NIPBL: variants seen among roughly 807,000 people sequenced by gnomAD.
NIPBL encodes the protein NIPBL cohesin loading factor.
Under a neutral mutation model 321.8 loss-of-function variants are expected in NIPBL, and 19 were observed. The observed-to-expected ratio is 0.06, with a 90% CI of 0.04 to 0.09. The LOEUF is 0.09. Ranked by LOEUF, NIPBL falls within the 10% of genes least tolerant of loss-of-function variation. NIPBL has a pLI of 1.00. For missense variants in NIPBL, 2,210 were observed against 3,327.0 expected (o/e 0.66, Z 8.26); for synonymous variants, 1,106 against 1,114.1 (o/e 0.99, Z 0.14).
In NIPBL at chr5:36,953,642, C is replaced by G; in HGVS notation, c.-55C>G. On this transcript the variant is annotated 5_prime_UTR_variant, in exon 2 of 47. Transcript: ENST00000282516. ...GTGTTTGGGAAATGGGAAGTAATGA[C>G]AGCTGGCACCTGAACTAAGTACTTT... The G allele has an allele frequency of 7.1e-7, 1 of 1,409,852 alleles. No individual in the cohort carries two copies. The highest frequency in any genetic ancestry group is 1.0e-6 in the Non-Finnish European group (1 of 993,600). 87.3% of individuals were successfully genotyped at this position (1,409,852 alleles called of 1,614,324 possible). A position where few individuals can be genotyped will look rare whatever the true frequency, so the allele number is the denominator to read the frequency against.
At chr5:37,057,027 GTC>G (rs781104073) in intron 42 of NIPBL, among the ~76,000 whole-genome samples, 157 bp from the exon 43 acceptor site, 7 of 147,860 alleles carry the variant, frequency 4.7e-5, no homozygotes, top group Non-Finnish European at 7.4e-5. Context: ...CTCTCCCTCT[GTC>G]TCTCTGTGTC....
At chr5:37,055,321 C>T (rs542365506) in intron 42 of NIPBL, among the ~76,000 whole-genome samples, 1 of 144,754 alleles carries the variant, frequency 6.9e-6, no homozygotes, top group Admixed American at 7.1e-5. Flanking sequence ...CACTGCACTC[C>T]AGCTGAGCGA....
In NIPBL at chr5:36,985,107, A is replaced by G. The variant is rs900302837; in HGVS notation, c.1927A>G (p.Lys643Glu). Reference sequence around the variant, plus strand: ...ATCAAGTGAAAATAAGTTAGAAACTAAAGTTGAGACCCAAACAGAAGAACT... The same window carrying G: ...ATCAAGTGAAAATAAGTTAGAAACTGAAGTTGAGACCCAAACAGAAGAACT... Reference protein sequence around the residue: ...TKSSENKLETKVETQTEELKQ... With the variant: ...TKSSENKLETEVETQTEELKQ... Residue 643 changes from lysine (K) to glutamate (E), a missense_variant, in exon 10 of 47, where the codon AAA becomes GAA. Physicochemically the swap from Lys to Glu is moderately conservative, Grantham distance 56 (BLOSUM62 1). Transcript: ENST00000282516. 7.4e-6 allele frequency: 12 copies of G among 1,613,772 alleles called. No homozygotes were observed. The Admixed American group carries it at 1.7e-4, about 22-fold the overall frequency.
At chr5:37,006,981 T>C (rs1032480950) in intron 17 of NIPBL, among the ~76,000 whole-genome samples, 1 of 151,902 alleles carries the variant, frequency 6.6e-6, no homozygotes, top group African/African-American at 2.4e-5. Flanking sequence ...CTAAGTATAG[T>C]TCCTGAATAA....
chr5:37,052,692 ATCT>A, intron 42 of NIPBL, 126 bp downstream of exon 42: 1 of 741,402 alleles, frequency 1.3e-6, no homozygotes, highest in Non-Finnish European at 2.2e-6. Flanking sequence ...TGTTTTCTTA[ATCT>A]TCTAAGTTAT....
chr5:36,958,630 T>C (rs1741251398), intron 4 of NIPBL, among the ~76,000 whole-genome samples: 1 of 152,168 alleles, frequency 6.6e-6, no homozygotes, highest in Non-Finnish European at 1.5e-5. Context: ...TTTCTAGTAA[T>C]TGATTTAATA....
chr5:36,900,486 G>A (rs935532640), intron 1 of NIPBL, among the ~76,000 whole-genome samples: 1 of 152,092 alleles, frequency 6.6e-6, no homozygotes, highest in Non-Finnish European at 1.5e-5. Context: ...CAAAGAATGT[G>A]ACTTGCTCAA....
chr5:36,981,377 T>G (rs1337753208), intron 9 of NIPBL, among the ~76,000 whole-genome samples: 6 of 151,674 alleles, frequency 4.0e-5, no homozygotes, highest in African/African-American at 1.4e-4. Flanking sequence ...TAGGCTGTGG[T>G]AGACCCTATT....
chr5:36,877,642 T>G (rs1745193968), intron 1 of NIPBL, among the ~76,000 whole-genome samples: 1 of 152,174 alleles, frequency 6.6e-6, no homozygotes, highest in African/African-American at 2.4e-5. Flanking sequence ...AACGTCCCAG[T>G]GAAACAAACA....
intron 6 of NIPBL, among the ~76,000 whole-genome samples, chr5:36,967,155 AGAAT>A (rs1443790560): frequency 2.6e-5 from 4 of 152,146 alleles, no homozygotes; most frequent in Non-Finnish European, 5.9e-5. Context: ...TTACTGGAAA[AGAAT>A]AGCCAAGTCG....
At chr5:36,894,540 T>A (rs1182905963) in intron 1 of NIPBL, among the ~76,000 whole-genome samples, 1 of 152,212 alleles carries the variant, frequency 6.6e-6, no homozygotes, top group Non-Finnish European at 1.5e-5. Flanking sequence ...TTTTGATAAC[T>A]TGTTTTGTAT....
intron 8 of NIPBL, 94 bp downstream of exon 8, chr5:36,972,135 C>A: frequency 1.2e-6 from 1 of 838,376 alleles, no homozygotes; most frequent in Non-Finnish European, 1.9e-6. Flanking sequence ...AAAAGTTATT[C>A]TGTATTTTTT....
chr5:37,006,348 G>A lies in NIPBL; in HGVS notation c.3856-9G>A. On this transcript the variant is annotated splice_polypyrimidine_tract_variant and intron_variant, in intron 16 of 46. Transcript: ENST00000282516. ...TTATTTCCATTTCATTAACAATACT[G>A]TTTTACAGAATAACGATACTGAAGA... 1 of 1,398,686 alleles carries A rather than the reference G, an allele frequency of 7.1e-7. No homozygotes were observed. Among genetic ancestry groups the A allele is most frequent in the South Asian group, 1.2e-5 (1 of 86,656 alleles). 86.6% of individuals were successfully genotyped at this position (1,398,686 alleles called of 1,614,324 possible).
At chr5:36,891,546 T>C (rs566364154) in intron 1 of NIPBL, among the ~76,000 whole-genome samples, 2 of 152,064 alleles carry the variant, frequency 1.3e-5, no homozygotes, top group Non-Finnish European at 2.9e-5. Context: ...GGCCAACAAT[T>C]TGATTTTTGG....
At chr5:37,033,730 A>ATATATATTTT (rs775482943) in intron 32 of NIPBL, among the ~76,000 whole-genome samples, 5 of 21,506 alleles carry the variant, frequency 2.3e-4, no homozygotes, top group Admixed American at 8.3e-4. Context: ...ATATATATAT[A>ATATATATTTT]TTTTTTTTTT....
intron 16 of NIPBL, among the ~76,000 whole-genome samples, chr5:37,005,279 G>A (rs900870763): frequency 1.3e-5 from 2 of 151,870 alleles, no homozygotes; most frequent in African/African-American, 2.4e-5. Context: ...TTTACTTTTT[G>A]CATCACAGAA....
At chr5:36,950,098 C>T (rs985739902) in intron 1 of NIPBL, among the ~76,000 whole-genome samples, 12 of 151,882 alleles carry the variant, frequency 7.9e-5, no homozygotes, top group Admixed American at 4.6e-4. Flanking sequence ...TTTCTGTCGC[C>T]AGTATTTATT....
intron 42 of NIPBL, 52 bp from the exon 43 acceptor site, chr5:37,057,134 T>A: frequency 1.2e-6 from 2 of 1,602,934 alleles, no homozygotes; most frequent in Admixed American, 1.7e-5. Flanking sequence ...GTTTTTTGGT[T>A]GGGTTTCTAG....
rs760724015 is a variant in NIPBL at position 36,930,173 on chromosome 5, C to A, written c.-79-23445C>A. Among the ~76,000 whole-genome samples, 274 of 152,050 alleles carry A rather than the reference C, an allele frequency of 1.8e-3. 3 individuals carry two copies. Among genetic ancestry groups the A allele is most frequent in the Middle Eastern group, 3.4e-3 (1 of 292 alleles). ...TATAGATCAATTTGAAGAGAATTAC[C>A]ATATTAACAATTTTGAGTCTTCTAA... On this transcript the variant is annotated intron_variant, in intron 1 of 46. Coordinates refer to ENST00000282516, the MANE Select transcript of NIPBL (RefSeq NM_133433.4).
Sources: allele counts gnomAD v4.1 joint callset (sites outside exome capture counted in the v4.1 genomes callset), GRCh38; gene constraint gnomAD v4.1.1; transcripts MANE v1.5; gene names NCBI Gene and HGNC (gene_info 2026-07-23, HGNC 2026-07-21).